ANKRD26: variants seen among roughly 807,000 people sequenced by gnomAD.
The protein encoded by ANKRD26 is ankyrin repeat domain-containing protein 26.
ANKRD26 carries 141 observed loss-of-function variants against 208.7 expected under a neutral mutation model. The ratio of observed to expected loss-of-function variants is 0.68; its 90% CI spans 0.59 to 0.78. The LOEUF (loss-of-function observed/expected upper bound fraction) is 0.78, where lower values mean the gene tolerates loss of function less well. Ranked by LOEUF, ANKRD26 falls within the 30% of genes least tolerant of loss-of-function variation. The pLI, the probability that ANKRD26 is intolerant of heterozygous loss-of-function variation, is 0.00. For synonymous variants in ANKRD26, 636 were observed against 660.4 expected (o/e 0.96, Z 0.57); for missense variants, 1,889 against 1,938.7 (o/e 0.97, Z 0.48).
intron 5 of ANKRD26, among the ~76,000 whole-genome samples, chr10:26,979,038 C>T (rs148116004): frequency 1.8e-3 from 275 of 152,154 alleles, no homozygotes; most frequent in Middle Eastern, 6.8e-3. Context: ...TTGCCTAACA[C>T]AGTGAAACCC....
At chr10:27,037,029 A>C (rs1377009317) in intron 23 of ANKRD26, among the ~76,000 whole-genome samples, 157 bp downstream of exon 23, 1 of 152,152 alleles carries the variant, frequency 6.6e-6, no homozygotes, top group Admixed American at 6.5e-5. Context: ...ACTTTATCCA[A>C]TGGACCAAAA....
chr10:27,058,439 T>C (rs2054919961), intron 15 of ANKRD26, among the ~76,000 whole-genome samples: 1 of 152,236 alleles, frequency 6.6e-6, no homozygotes, highest in African/African-American at 2.4e-5. Context: ...TCTATTCAAA[T>C]GCGTGGCTGT....
intron 12 of ANKRD26, among the ~76,000 whole-genome samples, chr10:27,062,988 G>C (rs1163275065): frequency 6.6e-6 from 1 of 151,990 alleles, no homozygotes; most frequent in Admixed American, 6.6e-5. Context: ...GGCTGATCTC[G>C]AACTCCTGAC....
At chr10:27,071,014 C>T (rs888875421) in intron 9 of ANKRD26, among the ~76,000 whole-genome samples, 2 of 151,918 alleles carry the variant, frequency 1.3e-5, no homozygotes, top group Admixed American at 1.3e-4. Flanking sequence ...CCTTATGATT[C>T]TATAATAGGT....
intron 27 of ANKRD26, among the ~76,000 whole-genome samples, chr10:27,026,952 A>G (rs866052673): frequency 2.8e-4 from 42 of 152,178 alleles, no homozygotes; most frequent in African/African-American, 9.9e-4. Flanking sequence ...CGCCTGGCTA[A>G]TTTTTGTATT....
intron 4 of ANKRD26, among the ~76,000 whole-genome samples, chr10:26,995,542 C>T (rs895620858): frequency 6.6e-6 from 1 of 152,184 alleles, no homozygotes; most frequent in African/African-American, 2.4e-5. Flanking sequence ...TAGGTATGCA[C>T]AGAAGTTGGT....
rs2054179040 is a variant in ANKRD26, at chr10:27,040,052, A to G, written c.2288T>C (p.Leu763Pro). ...IKKMEDKVNV[L>P]QRELSETKEI... The stretch of plus-strand genomic sequence containing the variant: ...TTTTGTTTCAGATAGCTCCCTTTGT[A>G]GTACATTAACCTTGTCTTCCATTTT... The change falls in exon 21 of 34, where the codon CTA becomes CCA. Residue 763 changes from leucine to proline, a missense_variant. This residue lies in a region of ANKRD26 where 1,272 missense variants were observed against 1,273.8 expected (regional missense o/e 1.00). Coordinates refer to ENST00000376087, the MANE Select transcript of ANKRD26 (RefSeq NM_014915.3). 6.2e-7 allele frequency: 1 copy of G among 1,613,652 alleles called. No individual in the cohort carries two copies.
At chr10:27,088,661 G>A (rs1030266479) in intron 4 of ANKRD26, among the ~76,000 whole-genome samples, 5 of 152,144 alleles carry the variant, frequency 3.3e-5, no homozygotes, top group Admixed American at 6.6e-5. Flanking sequence ...CTACTCCAGC[G>A]AAGGACAATA....
intron 1 of ANKRD26, among the ~76,000 whole-genome samples, chr10:27,094,289 CAT>C (rs1437621131): frequency 9.9e-5 from 15 of 152,248 alleles, no homozygotes; most frequent in South Asian, 6.2e-4. Context: ...GACTAATACA[CAT>C]GTTAATCCTC....
chr10:26,950,854 G>A, the ANKRD26 span, among the ~76,000 whole-genome samples: 1 of 151,986 alleles, frequency 6.6e-6, no homozygotes, highest in African/African-American at 2.4e-5. Context: ...TGTAAATATA[G>A]AGCTTCAGTC....
rs2297144 is a variant in ANKRD26, at chr10:27,060,438, A to C, written c.1492-21T>G. 27,294 of 1,589,376 alleles carry C rather than the reference A, an allele frequency of 0.017. 1,837 individuals are homozygous for C. In the East Asian group the frequency reaches 0.2, roughly 12 times the overall value. On this transcript the variant is annotated intron_variant, in intron 14 of 33. Transcript: ENST00000376087. ...GTAGGCTGAATGGGTTTTGAAACAA[A>C]ATGATTAATAAATAATGTATACTTT...
At chr10:26,960,950 G>C in the ANKRD26 span, among the ~76,000 whole-genome samples, 31 of 152,242 alleles carry the variant, frequency 2.0e-4, no homozygotes, top group African/African-American at 6.7e-4. Flanking sequence ...TGGGCACAGT[G>C]GCTCATGCCT....
Position 27,047,074 on chromosome 10 carries a change from A to C in ANKRD26, c.1815-551T>G, listed in dbSNP as rs144625107. 6.6e-5 allele frequency among the ~76,000 whole-genome samples: 10 copies of C among 152,318 alleles called. No individual in the cohort carries two copies. The East Asian group carries it at 1.9e-3, about 29-fold the overall frequency. On this transcript the variant is annotated intron_variant, in intron 17 of 33. Coordinates refer to ENST00000376087, the MANE Select transcript of ANKRD26 (RefSeq NM_014915.3). ...AGGCTGGAGCTCATTGCCTACAAAC[A>C]ATGGTCTTTAGACATGGAAGTAGCA... is the stretch of plus-strand genomic sequence containing the variant.
At chr10:26,963,914 T>TTG in the ANKRD26 span, among the ~76,000 whole-genome samples, 1 of 137,244 alleles carries the variant, frequency 7.3e-6, no homozygotes, top group African/African-American at 2.8e-5. Flanking sequence ...TTTTTTTTTT[T>TTG]TTTTTTTTTT....
At chr10:27,043,349 A>G in intron 20 of ANKRD26, 77 bp downstream of exon 20, 3 of 1,519,702 alleles carry the variant, frequency 2.0e-6, no homozygotes, top group Non-Finnish European at 2.7e-6. Flanking sequence ...TGTATGCTAA[A>G]TGTACATACA....
At chr10:26,972,790 C>T (rs2134592614), downstream of ANKRD26, among the ~76,000 whole-genome samples, 1 of 152,068 alleles carries the variant, frequency 6.6e-6, no homozygotes, top group East Asian at 1.9e-4. Flanking sequence ...CGGGGTTTCA[C>T]CGTGTTAGCC....
chr10:27,007,864 C>T (rs1156370667), intron 32 of ANKRD26, among the ~76,000 whole-genome samples: 1 of 151,938 alleles, frequency 6.6e-6, no homozygotes, highest in Non-Finnish European at 1.5e-5. Flanking sequence ...TTTCTTTATT[C>T]ATGTAAACAC....
chr10:27,092,333 A>T (rs566811836), intron 4 of ANKRD26, 73 bp downstream of exon 4: 2 of 1,159,868 alleles, frequency 1.7e-6, no homozygotes, highest in Middle Eastern at 5.5e-4. Context: ...AACCTGTAAC[A>T]TGCAAAACAC....
intron 3 of ANKRD26, among the ~76,000 whole-genome samples, chr10:26,986,260 C>A (rs1212710676): frequency 4.6e-5 from 7 of 152,296 alleles, no homozygotes; most frequent in African/African-American, 1.7e-4. Flanking sequence ...CTTCCTTACA[C>A]CTTATACTAA....
Sources: allele counts gnomAD v4.1 joint callset (sites outside exome capture counted in the v4.1 genomes callset), GRCh38; gene constraint gnomAD v4.1.1; regional missense constraint gnomAD v4.1.1; transcripts MANE v1.5; gene names NCBI Gene and HGNC (gene_info 2026-07-23, HGNC 2026-07-21).